TNIP1: variants seen among roughly 807,000 people sequenced by gnomAD.
TNIP1 encodes the protein TNFAIP3 interacting protein 1.
A neutral mutation model predicts 86.6 loss-of-function variants in TNIP1; 22 were observed. That is an observed-to-expected ratio of 0.25 (90% CI 0.18 to 0.36). The LOEUF (loss-of-function observed/expected upper bound fraction) is 0.36. TNIP1 is among the 10% of genes least tolerant of loss of function. TNIP1 has a pLI of 1.00. For synonymous variants in TNIP1, 294 were observed against 313.0 expected, an observed-to-expected ratio of 0.94 and a Z score of 0.64; for missense variants, 709 against 820.6, an observed-to-expected ratio of 0.86 and a Z score of 1.66.
rs186019960 is a variant in TNIP1, at chr5:151,031,545, C to G, written c.1876+742G>C. ...GGACACCATGGTCAGGGGAGCTTTT[C>G]AAACAGAAATATGGTCATGCCACTC... On this transcript the variant is annotated intron_variant, in intron 17 of 17. Transcript: ENST00000521591. 2.0e-5 allele frequency among the ~76,000 whole-genome samples: 3 copies of G among 152,318 alleles called. No homozygotes were observed. In the East Asian group the frequency reaches 5.8e-4, roughly 29 times the overall value.
chr5:151,082,750 G>A (rs1222476674), upstream of TNIP1, among the ~76,000 whole-genome samples: 7 of 152,290 alleles, frequency 4.6e-5, no homozygotes, highest in East Asian at 1.2e-3. Flanking sequence ...ATGGCACTCA[G>A]TCATCTTTTT....
intron 4 of TNIP1, among the ~76,000 whole-genome samples, chr5:151,060,778 A>T (rs192323774): frequency 6.6e-6 from 1 of 152,222 alleles, no homozygotes; most frequent in Non-Finnish European, 1.5e-5. Context: ...CTTTGGAAAG[A>T]TGAGGAAACT....
rs187606862 is a variant in TNIP1, at chr5:151,055,933, C to A, written c.627+833G>T. ...ACTGAACACTTCCCCGCTGCTAAAG[C>A]CCACAAGGCTAAGACCCCCTGCCCA... On this transcript the variant is annotated intron_variant, in intron 6 of 17. Transcript: ENST00000521591. Among the ~76,000 whole-genome samples, 9 of 152,310 alleles carry A rather than the reference C, an allele frequency of 5.9e-5. No individual in the cohort carries two copies. The East Asian group carries it at 1.4e-3, about 23-fold the overall frequency.
intron 1 of TNIP1, among the ~76,000 whole-genome samples, chr5:151,072,701 A>G (rs934915207): frequency 4.0e-5 from 6 of 150,806 alleles, no homozygotes; most frequent in African/African-American, 1.5e-4. Context: ...TCTACCCCAC[A>G]CTATCTCTAG....
chr5:151,069,537 CT>C (rs1762601962), intron 1 of TNIP1, among the ~76,000 whole-genome samples: 1 of 152,160 alleles, frequency 6.6e-6, no homozygotes, highest in South Asian at 2.1e-4. Context: ...TGGCTGCATC[CT>C]GGGGCCAGCT....
At chr5:151,055,484 G>A (rs1760542393) in intron 6 of TNIP1, among the ~76,000 whole-genome samples, 1 of 152,174 alleles carries the variant, frequency 6.6e-6, no homozygotes, top group Non-Finnish European at 1.5e-5. Context: ...GGTTCAGCCT[G>A]GATACCTTGA....
chr5:151,036,983 G>A, intron 12 of TNIP1, 62 bp from the exon 13 acceptor site: 1 of 1,519,388 alleles, frequency 6.6e-7, no homozygotes, highest in Non-Finnish European at 8.8e-7. Flanking sequence ...CCCTTTGGAG[G>A]GGTCATCCTC....
intron 14 of TNIP1, 60 bp downstream of exon 14, chr5:151,035,522 C>T (rs1757583129): frequency 6.2e-7 from 1 of 1,612,236 alleles, no homozygotes; most frequent in Non-Finnish European, 8.5e-7. Flanking sequence ...CCCTCCAATC[C>T]ATGCCCCCTC....
chr5:151,034,884 A>T, intron 15 of TNIP1, 118 bp downstream of exon 15: 1 of 1,076,354 alleles, frequency 9.3e-7, no homozygotes, highest in Non-Finnish European at 1.4e-6. Flanking sequence ...TGTATTACTC[A>T]TCAGTTAGTT....
chr5:151,046,896 C>T (rs1759246325), intron 8 of TNIP1, among the ~76,000 whole-genome samples: 1 of 152,076 alleles, frequency 6.6e-6, no homozygotes, highest in African/African-American at 2.4e-5. Context: ...CTCTTCCTTA[C>T]AAAAGAATTC....
Position 151,064,461 on chromosome 5 carries a change from C to T in TNIP1, c.136+499G>A, listed in dbSNP as rs574924020. Among the ~76,000 whole-genome samples, 68 of 152,244 alleles carry T rather than the reference C, an allele frequency of 4.5e-4. 1 individual carries two copies. The highest frequency in any genetic ancestry group is 3.4e-3 in the Middle Eastern group (1 of 294). On this transcript the variant is annotated intron_variant, in intron 2 of 17. Transcript: ENST00000521591. The stretch of plus-strand genomic sequence containing the variant: ...GTGCTGATGCACAGGGCCCGTCGGT[C>T]GTGTGGAGGGAGGTGGGGTTGTTCT...
At chr5:151,072,669 C>T (rs1480755111) in intron 1 of TNIP1, among the ~76,000 whole-genome samples, 2 of 152,218 alleles carry the variant, frequency 1.3e-5, no homozygotes, top group East Asian at 1.9e-4. Flanking sequence ...GGACTGCCCC[C>T]CCTCCAGTCC....
chr5:151,065,306 T>C (rs1428592941), intron 1 of TNIP1, among the ~76,000 whole-genome samples, 175 bp from the exon 2 acceptor site: 1 of 152,216 alleles, frequency 6.6e-6, no homozygotes, highest in East Asian at 1.9e-4. Context: ...CTGCCTCTAT[T>C]AATACAACCT....
rs756978522 is a variant in TNIP1 at position 151,062,224 on chromosome 5, A to C, written c.272-12T>G. On this transcript the variant is annotated splice_polypyrimidine_tract_variant and intron_variant, in intron 3 of 17. Coordinates refer to ENST00000521591, the MANE Select transcript of TNIP1 (RefSeq NM_006058.5). ...ATTTGAGTCCTTTCCTGGAGAATCA[A>C]GAAAGCACAGATGAACTGACTGGGA... The C allele has an allele frequency of 6.2e-7, 1 of 1,613,098 alleles. No individual in the cohort carries two copies. Among genetic ancestry groups the C allele is most frequent in the East Asian group, 2.2e-5 (1 of 44,860 alleles).
chr5:151,059,846 TGTGTGTGTGTGTGTGTGTGTGCGCGC>T (rs1761255462), intron 5 of TNIP1, among the ~76,000 whole-genome samples: 3 of 114,588 alleles, frequency 2.6e-5, no homozygotes, highest in African/African-American at 8.1e-5. Context: ...TGTGTGTGTG[TGTGTGTGTGTGTGTGTGTGTGCGCGC>T]GCGCGCGCGC....
intron 12 of TNIP1, 91 bp downstream of exon 12, chr5:151,039,006 A>T: frequency 6.6e-7 from 1 of 1,510,936 alleles, no homozygotes; most frequent in Non-Finnish European, 8.9e-7. Flanking sequence ...TACCCTTCCT[A>T]AGCTGAATGG....
intron 1 of TNIP1, among the ~76,000 whole-genome samples, chr5:151,067,447 G>A (rs985683411): frequency 1.3e-5 from 2 of 152,184 alleles, no homozygotes; most frequent in African/African-American, 4.8e-5. Context: ...ACAGGAGGGT[G>A]GGCCTTCCTT....
intron 3 of TNIP1, among the ~76,000 whole-genome samples, chr5:151,062,580 T>A (rs2113695867): frequency 6.6e-6 from 1 of 152,278 alleles, no homozygotes; most frequent in East Asian, 1.9e-4. Context: ...ATTTTAAAGG[T>A]CAGGACACTG....
Position 151,042,635 on chromosome 5 carries a change from T to C in TNIP1, c.1039A>G (p.Lys347Glu), listed in dbSNP as rs143732502. The C allele has an allele frequency of 6.2e-6, 10 of 1,614,036 alleles. No homozygotes were observed. Among genetic ancestry groups the C allele is most frequent in the Non-Finnish European group, 7.6e-6 (9 of 1,180,026 alleles). The part of the protein sequence containing the change: ...ELRQKLADLQ[K>E]QVTDLEAERE... Reference sequence around the variant, plus strand: ...TCGGCCTCCAGGTCAGTCACCTGCTTCTGCAAATCAGCCAGCTTCTGACGC... The same window carrying C: ...TCGGCCTCCAGGTCAGTCACCTGCTCCTGCAAATCAGCCAGCTTCTGACGC... Residue 347 changes from lysine (K) to glutamate (E), a missense_variant, in exon 11 of 18, where the codon AAG becomes GAG. Transcript: ENST00000521591.
Sources: gnomAD v4.1 joint callset for allele counts (sites outside exome capture counted in the v4.1 genomes callset) on GRCh38, gnomAD v4.1.1 for gene constraint, MANE v1.5 for transcripts, NCBI Gene and HGNC (gene_info 2026-07-23, HGNC 2026-07-21) for gene names.